The following ELF2 variants were observed in gnomAD, a reference collection of about 807,000 sequenced individuals.
ELF2 encodes E74 like ETS transcription factor 2, also known as ETS-related transcription factor Elf-2.
ELF2 carries 11 observed loss-of-function variants against 54.8 expected under a neutral mutation model. The ratio of observed to expected loss-of-function variants is 0.20; its 90% CI spans 0.13 to 0.33. The LOEUF is 0.33. Ranked by LOEUF, ELF2 falls within the 10% of genes least tolerant of loss-of-function variation. ELF2 has a pLI of 1.00. For missense variants in ELF2, 513 were observed against 703.0 expected, an observed-to-expected ratio of 0.73 and a Z score of 3.06; for synonymous variants, 203 against 245.1, an observed-to-expected ratio of 0.83 and a Z score of 1.61.
At chr4:139,074,919 A>T (rs1730075807) in intron 4 of ELF2, among the ~76,000 whole-genome samples, 1 of 152,146 alleles carries the variant, frequency 6.6e-6, no homozygotes. Context: ...GACATCCTGG[A>T]ACCAATACCC....
At chr4:139,105,778 G>T (rs1201120909) in intron 4 of ELF2, among the ~76,000 whole-genome samples, 1 of 152,212 alleles carries the variant, frequency 6.6e-6, no homozygotes. Context: ...TGTAGTCCCA[G>T]CTACTTGGGA....
chr4:139,150,706 A>G lies in ELF2; in HGVS notation c.-251-11209T>C, dbSNP rs536058650. ...ATGCAAATTGAAAACTTAATACAGG[A>G]AAGAGGTAAATTAAAATCAATGAAA... On this transcript the variant is annotated intron_variant, in intron 1 of 9. Coordinates refer to ENST00000686138, the MANE Select transcript of ELF2 (RefSeq NM_001331036.3). Among the ~76,000 whole-genome samples the G allele has an allele frequency of 3.9e-4, 59 of 152,102 alleles. 2 individuals carry two copies. Among genetic ancestry groups the G allele is most frequent in the South Asian group, 3.5e-3 (17 of 4,814 alleles).
intron 1 of ELF2, among the ~76,000 whole-genome samples, chr4:139,166,978 A>G (rs951877995): frequency 5.3e-5 from 8 of 152,108 alleles, no homozygotes; most frequent in African/African-American, 1.9e-4. Flanking sequence ...ATTTAAGAAA[A>G]TTTTTCTCTT....
At chr4:139,162,020 G>A (rs181444874) in intron 1 of ELF2, among the ~76,000 whole-genome samples, 1 of 152,238 alleles carries the variant, frequency 6.6e-6, no homozygotes, top group East Asian at 1.9e-4. Context: ...CTTGAACCCG[G>A]GAGGCGGAGG....
intron 1 of ELF2, among the ~76,000 whole-genome samples, chr4:139,158,110 G>C (rs1488974316): frequency 6.6e-6 from 1 of 152,168 alleles, no homozygotes; most frequent in East Asian, 1.9e-4. Context: ...CGTTTTATAG[G>C]ATTTGGGTAG....
At chr4:139,157,542 T>C (rs578244967) in intron 1 of ELF2, among the ~76,000 whole-genome samples, 34 of 152,276 alleles carry the variant, frequency 2.2e-4, no homozygotes, top group African/African-American at 5.3e-4. Context: ...GCTAGGACTA[T>C]AGGCACATGC....
chr4:139,092,405 AACATAACAT>A (rs1470823482), intron 4 of ELF2, among the ~76,000 whole-genome samples: 15 of 81,262 alleles, frequency 1.8e-4, no homozygotes, highest in South Asian at 9.7e-4. Context: ...AACATAACAT[AACATAACAT>A]ACATAACATA....
chr4:139,133,144 A>G (rs1405855629), intron 3 of ELF2, among the ~76,000 whole-genome samples: 1 of 151,834 alleles, frequency 6.6e-6, no homozygotes, highest in Non-Finnish European at 1.5e-5. Context: ...GATGTTCTCA[A>G]TCTCCTGACC....
At chr4:139,165,078 T>C (rs1741587279) in intron 1 of ELF2, among the ~76,000 whole-genome samples, 1 of 152,202 alleles carries the variant, frequency 6.6e-6, no homozygotes, top group Non-Finnish European at 1.5e-5. Context: ...TTTTGTTAAC[T>C]GGCCCAAGAA....
intron 4 of ELF2, chr4:139,084,336 T>C (rs1056458123): frequency 1.3e-6 from 2 of 1,532,942 alleles, no homozygotes; most frequent in African/African-American, 2.7e-5. Context: ...GACGCCCGGA[T>C]CCTTGCGCGT....
intron 1 of ELF2, among the ~76,000 whole-genome samples, chr4:139,157,391 T>A (rs748829890): frequency 2.6e-5 from 4 of 152,054 alleles, no homozygotes; most frequent in Non-Finnish European, 4.4e-5. Context: ...TGTGACATCA[T>A]CAAAATTCTG....
At chr4:139,089,557 T>C (rs1732367245) in intron 4 of ELF2, among the ~76,000 whole-genome samples, 1 of 152,268 alleles carries the variant, frequency 6.6e-6, no homozygotes, top group Admixed American at 6.5e-5. Flanking sequence ...TGTTTGTGTA[T>C]GTATCCCTGA....
intron 6 of ELF2, among the ~76,000 whole-genome samples, chr4:139,068,701 G>T (rs995425784): frequency 3.3e-5 from 5 of 152,144 alleles, no homozygotes; most frequent in Admixed American, 6.5e-5. Context: ...AATAGAAAAA[G>T]TAAGGGCTAT....
chr4:139,058,731 C>T lies in ELF2; in HGVS notation c.*252G>A, dbSNP rs540815527. ...TCGTAGTGAGCTGCTTGGTCCCTTT[C>T]GATCCTTTTTCTTATTGATGGGTTC... is the stretch of plus-strand genomic sequence containing the variant. On this transcript the variant is annotated 3_prime_UTR_variant, in exon 10 of 10. Coordinates refer to ENST00000686138, the MANE Select transcript of ELF2 (RefSeq NM_001331036.3). 3.7e-5 allele frequency: 16 copies of T among 427,360 alleles called. No individual in the cohort carries two copies. The East Asian group carries it at 6.5e-4, about 17-fold the overall frequency. 26.5% of individuals were successfully genotyped at this position (427,360 alleles called of 1,614,324 possible). A position where few individuals can be genotyped will look rare whatever the true frequency, so the allele number is the denominator to read the frequency against.
At position 139,125,271 on chromosome 4, in the gene ELF2, C is replaced by T; in HGVS notation, c.131G>A (p.Arg44Lys). ...CTGGGCTGCATAGCCCTGCTCTAAT[C>T]TGGCACTTGGAACTGGCTCCACAAT... ...AVIVEPVPSARLEQGYAAQVL... is the reference protein window; with the variant it reads ...AVIVEPVPSAKLEQGYAAQVL... The change falls in exon 4 of 10, where the codon AGA (arginine) becomes AAA (lysine). Residue 44 changes from arginine to lysine, a missense_variant. Arg to Lys is a conservative substitution (Grantham distance 26, BLOSUM62 2). Coordinates refer to ENST00000686138, the MANE Select transcript of ELF2 (RefSeq NM_001331036.3). 1 of 1,613,970 alleles carries T rather than the reference C, an allele frequency of 6.2e-7. No homozygotes were observed. Among genetic ancestry groups the T allele is most frequent in the Non-Finnish European group, 8.5e-7 (1 of 1,179,978 alleles).
chr4:139,065,974 T>C (rs1560758038), intron 7 of ELF2: 1 of 147,234 alleles, frequency 6.8e-6, no homozygotes. Flanking sequence ...CTCTCCCAAA[T>C]TGGGTCACCA....
intron 2 of ELF2, among the ~76,000 whole-genome samples, chr4:139,138,770 T>C (rs1222871783): frequency 1.3e-5 from 2 of 152,212 alleles, no homozygotes; most frequent in Admixed American, 6.5e-5. Context: ...ATAAAGTAGT[T>C]ACCACTTGGA....
chr4:139,110,090 C>T (rs968040246), intron 4 of ELF2, among the ~76,000 whole-genome samples: 1 of 152,164 alleles, frequency 6.6e-6, no homozygotes, highest in Admixed American at 6.5e-5. Context: ...CTTCTAAGTA[C>T]TAGCCATATC....
chr4:139,073,599 A>C (rs1375676886), intron 4 of ELF2, 32 bp from the exon 5 acceptor site: 1 of 1,339,934 alleles, frequency 7.5e-7, no homozygotes, highest in South Asian at 1.6e-5. Flanking sequence ...CTCAATTAAA[A>C]ATACACTAAA....
Sources: gnomAD v4.1 joint callset for allele counts (sites outside exome capture counted in the v4.1 genomes callset) on GRCh38, gnomAD v4.1.1 for gene constraint, MANE v1.5 for transcripts, NCBI Gene and HGNC (gene_info 2026-07-23, HGNC 2026-07-21) for gene names.